The following KIF5C variants were observed in gnomAD, a reference collection of about 807,000 sequenced individuals.
KIF5C encodes the protein kinesin heavy chain isoform 5C.
KIF5C carries 18 observed loss-of-function variants against 125.2 expected under a neutral mutation model. That is an observed-to-expected ratio of 0.14 (90% CI 0.10 to 0.21). The LOEUF is 0.21. Among genes scored for constraint, KIF5C ranks in the 10% least tolerant of loss-of-function variants. KIF5C has a pLI of 1.00. For missense variants in KIF5C, 780 were observed against 1,183.8 expected (o/e 0.66, Z 5.01); for synonymous variants, 405 against 434.0 (o/e 0.93, Z 0.83).
At chr2:148,958,827 C>CA (rs1184509273) in intron 10 of KIF5C, among the ~76,000 whole-genome samples, 24 of 151,306 alleles carry the variant, frequency 1.6e-4, no homozygotes, top group Admixed American at 1.4e-3. Context: ...ACTAAAAATA[C>CA]AAAAAAATTA....
At chr2:149,005,599 G>A (rs939056057) in intron 22 of KIF5C, 135 bp downstream of exon 22, 3 of 1,334,642 alleles carry the variant, frequency 2.2e-6, no homozygotes, top group Non-Finnish European at 3.0e-6. Flanking sequence ...ACCAGAGAAT[G>A]TTATTAAAAG....
intron 2 of KIF5C, 44 bp downstream of exon 2, chr2:148,922,271 T>G: frequency 7.6e-7 from 1 of 1,311,752 alleles, no homozygotes; most frequent in Non-Finnish European, 1.1e-6. Flanking sequence ...TTCAGAGTAA[T>G]TGAAAGCATT....
chr2:148,930,898 C>T (rs925394554), intron 3 of KIF5C, among the ~76,000 whole-genome samples: 2 of 152,164 alleles, frequency 1.3e-5, no homozygotes, highest in African/African-American at 4.8e-5. Context: ...CCCTGCTATC[C>T]TCACGCTCCT....
At chr2:148,961,501 A>G (rs1337901543) in intron 10 of KIF5C, among the ~76,000 whole-genome samples, 1 of 152,198 alleles carries the variant, frequency 6.6e-6, no homozygotes, top group South Asian at 2.1e-4. Context: ...TGCAGTCTCC[A>G]AGAGGACAGA....
intron 23 of KIF5C, among the ~76,000 whole-genome samples, chr2:149,009,486 G>A (rs1682117928): frequency 6.6e-6 from 1 of 152,076 alleles, no homozygotes; most frequent in African/African-American, 2.4e-5. Flanking sequence ...TTATAGATGA[G>A]AAACTTGAGA....
chr2:148,961,751 A>T (rs1052510605), intron 10 of KIF5C, among the ~76,000 whole-genome samples: 16 of 152,220 alleles, frequency 1.1e-4, no homozygotes, highest in Non-Finnish European at 2.1e-4. Flanking sequence ...TTAGATTTAG[A>T]GACCAGTGGG....
chr2:148,987,343 A>C (rs1484140567), intron 15 of KIF5C, among the ~76,000 whole-genome samples: 1 of 152,188 alleles, frequency 6.6e-6, no homozygotes, highest in Non-Finnish European at 1.5e-5. Context: ...AGCAGAGGAT[A>C]TGAAGGCTGT....
chr2:148,983,613 T>A lies in KIF5C; in HGVS notation c.1570-7T>A. On this transcript the variant is annotated splice_polypyrimidine_tract_variant and splice_region_variant and intron_variant, in intron 14 of 25. Transcript: ENST00000435030. ...CTTTGAATTTGTTGTTGAAATTTGT[T>A]TTTCAGACTACATTGACAACCACAC... 6.5e-7 allele frequency: 1 copy of A among 1,545,862 alleles called. No individual in the cohort carries two copies. Among genetic ancestry groups the A allele is most frequent in the Non-Finnish European group, 8.8e-7 (1 of 1,141,420 alleles).
At chr2:148,993,969 A>C (rs1467710811) in intron 16 of KIF5C, among the ~76,000 whole-genome samples, 1 of 152,120 alleles carries the variant, frequency 6.6e-6, no homozygotes, top group Non-Finnish European at 1.5e-5. Context: ...AGGAAAATGC[A>C]AAGGCCCTGA....
At chr2:148,958,584 C>T (rs1339219424) in intron 10 of KIF5C, among the ~76,000 whole-genome samples, 1 of 152,126 alleles carries the variant, frequency 6.6e-6, no homozygotes, top group Non-Finnish European at 1.5e-5. Context: ...TATATCTTCT[C>T]CCACCTTGTA....
rs748414857 is a variant in KIF5C at position 148,876,207 on chromosome 2, G to A, written c.126+464G>A. Among the ~76,000 whole-genome samples the A allele has an allele frequency of 6.6e-6, 1 of 152,186 alleles. No individual in the cohort carries two copies. The highest frequency in any genetic ancestry group is 1.5e-5 in the Non-Finnish European group (1 of 68,008). ...TTCTTCTCACGACCCTAGCAAAAAA[G>A]AAAGAAAAAGGGGTACAGGAAAATT... On this transcript the variant is annotated intron_variant, in intron 1 of 25. Transcript: ENST00000435030. The surrounding 1 kb of genome is among the most constrained non-coding windows in gnomAD (Gnocchi z 4.7).
intron 12 of KIF5C, among the ~76,000 whole-genome samples, chr2:148,975,468 G>A (rs1681034456): frequency 6.6e-6 from 1 of 152,334 alleles, no homozygotes; most frequent in Middle Eastern, 3.4e-3. Flanking sequence ...TTACCCAAGT[G>A]TATATCACAT....
chr2:148,986,190 T>A (rs908787334), intron 15 of KIF5C, among the ~76,000 whole-genome samples: 9 of 152,182 alleles, frequency 5.9e-5, no homozygotes, highest in Non-Finnish European at 1.3e-4. Context: ...ATCAGGAGTG[T>A]CTGGGTGCTT....
Position 148,875,576 on chromosome 2 carries a change from C to CCCCCCCCCCAAACCCCGG in KIF5C, c.-37_-36insCCCCAAACCCCGGCCCCC. On this transcript the variant is annotated 5_prime_UTR_variant, in exon 1 of 26. Coordinates refer to ENST00000435030, the MANE Select transcript of KIF5C (RefSeq NM_004522.3). ...CCTCCCTCGTCGTTCCCGGCCCCGG[C>CCCCCCCCCCAAACCCCGG]CCCCCACCCATCCCCGTGCCCCCTC... The CCCCCCCCCCAAACCCCGG allele has an allele frequency of 1.8e-6, 1 of 549,558 alleles. No homozygotes were observed. 34.0% of individuals were successfully genotyped at this position (549,558 alleles called of 1,614,324 possible).
At chr2:149,019,609 T>C (rs1682472348) in intron 25 of KIF5C, among the ~76,000 whole-genome samples, 1 of 152,140 alleles carries the variant, frequency 6.6e-6, no homozygotes, top group African/African-American at 2.4e-5. Flanking sequence ...GCAACTAAAA[T>C]TGTTCCTCCA....
rs767181875 is a variant in KIF5C at position 148,998,517 on chromosome 2, G to A, written c.2210+8G>A. On this transcript the variant is annotated splice_region_variant and intron_variant, in intron 19 of 25. Transcript: ENST00000435030. ...CATTGATGAGATTCGGGAGTGAGTC[G>A]GCCCAGGGCACCAGGGGTGTGGGGG... 28 of 1,552,778 alleles carry A rather than the reference G, an allele frequency of 1.8e-5. No homozygotes were observed. Among genetic ancestry groups the A allele is most frequent in the South Asian group, 1.2e-4 (10 of 84,070 alleles).
chr2:148,925,637 T>G (rs1681961094), intron 2 of KIF5C, among the ~76,000 whole-genome samples: 1 of 152,202 alleles, frequency 6.6e-6, no homozygotes, highest in Admixed American at 6.5e-5. Flanking sequence ...TATTCTTCTG[T>G]ACTCCCCTGC....
At chr2:148,886,856 T>A (rs1357623266) in intron 1 of KIF5C, among the ~76,000 whole-genome samples, 1 of 152,170 alleles carries the variant, frequency 6.6e-6, no homozygotes, top group Non-Finnish European at 1.5e-5. Flanking sequence ...AGCACTTGCT[T>A]GCTCATGTGT....
chr2:148,970,611 TG>T, intron 11 of KIF5C, among the ~76,000 whole-genome samples: 1 of 152,334 alleles, frequency 6.6e-6, no homozygotes, highest in East Asian at 1.9e-4. Context: ...ACAGCAGCAT[TG>T]GCTAGCTTGT....
Sources: gnomAD v4.1 joint callset for allele counts (sites outside exome capture counted in the v4.1 genomes callset) on GRCh38, gnomAD v4.1.1 for gene constraint, Gnocchi (gnomAD v3.1) non-coding constraint, MANE v1.5 for transcripts, NCBI Gene and HGNC (gene_info 2026-07-23, HGNC 2026-07-21) for gene names.